HIP1: variants seen among roughly 807,000 people sequenced by gnomAD.
HIP1 encodes the protein huntingtin interacting protein 1.
Under a neutral mutation model 147.6 loss-of-function variants are expected in HIP1, and 65 were observed. The ratio of observed to expected loss-of-function variants is 0.44; its 90% CI spans 0.36 to 0.54. HIP1 has a LOEUF of 0.54. Among genes scored for constraint, HIP1 ranks in the 20% least tolerant of loss-of-function variants. HIP1 has a pLI of 0.00. For synonymous variants in HIP1, 479 were observed against 504.0 expected, an observed-to-expected ratio of 0.95 and a Z score of 0.67; for missense variants, 1,061 against 1,299.6, an observed-to-expected ratio of 0.82 and a Z score of 2.82.
At chr7:75,692,603 T>C (rs1413257879) in intron 1 of HIP1, among the ~76,000 whole-genome samples, 1 of 142,824 alleles carries the variant, frequency 7.0e-6, no homozygotes, top group Non-Finnish European at 1.5e-5. Flanking sequence ...TTTTTTTTTG[T>C]ATTTTTAGTA....
chr7:75,657,579 C>A (rs1159375041), intron 1 of HIP1, among the ~76,000 whole-genome samples: 1 of 151,310 alleles, frequency 6.6e-6, no homozygotes, highest in Non-Finnish European at 1.5e-5. Flanking sequence ...ATATCATGTC[C>A]TTTGCAGCCA....
rs587651922 is a variant in HIP1, at chr7:75,585,048, C to T, written c.465+1705G>A. On this transcript the variant is annotated intron_variant, in intron 5 of 30. Coordinates refer to ENST00000336926, the MANE Select transcript of HIP1 (RefSeq NM_005338.7). ...GTTTTTAGTAGAGATGGGGGTTTCA[C>T]TATGTTGGTCAGGCTGGTCTCCAAC... Among the ~76,000 whole-genome samples, 4 of 152,006 alleles carry T rather than the reference C, an allele frequency of 2.6e-5. No individual in the cohort carries two copies. In the East Asian group the frequency reaches 5.8e-4, roughly 22 times the overall value.
At chr7:75,694,690 T>TA (rs1177475517) in intron 1 of HIP1, among the ~76,000 whole-genome samples, 8 of 149,890 alleles carry the variant, frequency 5.3e-5, no homozygotes, top group African/African-American at 1.2e-4. Context: ...TTTTTTTTTT[T>TA]AAAGAAATGG....
chr7:75,579,346 TGCTCACTGCATCTCG>T (rs1795956355), intron 7 of HIP1, among the ~76,000 whole-genome samples: 2 of 151,992 alleles, frequency 1.3e-5, no homozygotes, highest in African/African-American at 4.8e-5. Context: ...GACAGAATCT[TGCTCACTGCATCTCG>T]GCTCACTGCA....
intron 1 of HIP1, among the ~76,000 whole-genome samples, chr7:75,659,737 C>T (rs1410877918): frequency 2.0e-5 from 3 of 152,154 alleles, no homozygotes; most frequent in Non-Finnish European, 2.9e-5. Context: ...GCCTCAAAAA[C>T]TCACGGTCTT....
intron 1 of HIP1, among the ~76,000 whole-genome samples, chr7:75,642,365 G>A (rs1352797765): frequency 1.3e-4 from 20 of 152,088 alleles, no homozygotes; most frequent in South Asian, 2.1e-4. Flanking sequence ...TGGTGAAACC[G>A]TCTCTACTAA....
Position 75,622,699 on chromosome 7 carries a change from C to T in HIP1, c.121-23452G>A, listed in dbSNP as rs587705483. ...GCCATATGAAGAAATGCATTTTGACCGGGCATGGTGGCTGGTGCCTGTAAT... is the reference window on the plus strand; with the variant it reads ...GCCATATGAAGAAATGCATTTTGACTGGGCATGGTGGCTGGTGCCTGTAAT... On this transcript the variant is annotated intron_variant, in intron 1 of 30. Transcript: ENST00000336926. 3.3e-5 allele frequency among the ~76,000 whole-genome samples: 5 copies of T among 151,950 alleles called. No individual in the cohort carries two copies. The East Asian group carries it at 5.8e-4, about 18-fold the overall frequency.
At position 75,535,296 on chromosome 7, in the gene HIP1, G is replaced by T. The variant is rs1162005197; in HGVS notation, c.*2876C>A. The T allele has an allele frequency of 3.0e-5, 6 of 199,582 alleles. No homozygotes were observed. The highest frequency in any genetic ancestry group is 1.4e-4 in the African/African-American group (6 of 43,448). 12.4% of individuals were successfully genotyped at this position (199,582 alleles called of 1,614,324 possible). ...GGAGTCTCGCTCTGTCACTCAGGCT[G>T]GAGTGCAGTGGGAAATCATGGCTCA... is the stretch of plus-strand genomic sequence containing the variant. On this transcript the variant is annotated 3_prime_UTR_variant, in exon 31 of 31. Transcript: ENST00000336926.
intron 1 of HIP1, among the ~76,000 whole-genome samples, chr7:75,671,658 G>A (rs1026853771): frequency 1.3e-5 from 2 of 151,956 alleles, no homozygotes. Flanking sequence ...TCACAGCATC[G>A]TACCATTTTA....
chr7:75,611,160 A>T (rs1027774688), intron 1 of HIP1, among the ~76,000 whole-genome samples: 9 of 151,286 alleles, frequency 5.9e-5, no homozygotes, highest in African/African-American at 1.7e-4. Context: ...GTTCTATAAA[A>T]TTTTTTTAGA....
intron 1 of HIP1, among the ~76,000 whole-genome samples, chr7:75,702,914 C>T (rs558386349): frequency 6.6e-6 from 1 of 152,148 alleles, no homozygotes; most frequent in East Asian, 1.9e-4. Flanking sequence ...AGGTATCTGC[C>T]CCCAAGATGC....
chr7:75,570,330 C>T (rs1332986135), intron 8 of HIP1, among the ~76,000 whole-genome samples: 8 of 147,196 alleles, frequency 5.4e-5, no homozygotes, highest in South Asian at 2.2e-4. Flanking sequence ...CTCGCTCTGT[C>T]ACCCAGGCTG....
chr7:75,616,584 G>GGGAGGAGGAGGA (rs782489721), intron 1 of HIP1, among the ~76,000 whole-genome samples: 3,491 of 145,902 alleles, frequency 0.024, 64 homozygotes, highest in East Asian at 0.13. Flanking sequence ...TTTAAGGGTG[G>GGGAGGAGGAGGA]GGAGGAGGAG....
At chr7:75,548,006 C>T (rs1413887368) in intron 23 of HIP1, among the ~76,000 whole-genome samples, 193 bp from the exon 24 acceptor site, 1 of 152,034 alleles carries the variant, frequency 6.6e-6, no homozygotes, top group African/African-American at 2.4e-5. Context: ...AGTGCAGCTG[C>T]AGTGGGCTGG....
chr7:75,624,238 G>C (rs781798105), intron 1 of HIP1, among the ~76,000 whole-genome samples: 10 of 152,174 alleles, frequency 6.6e-5, no homozygotes, highest in African/African-American at 2.4e-4. Context: ...CTGGACCCAG[G>C]GAGTGAGAAC....
intron 1 of HIP1, among the ~76,000 whole-genome samples, chr7:75,716,025 C>A (rs1351193211): frequency 1.3e-5 from 2 of 151,940 alleles, no homozygotes; most frequent in African/African-American, 4.8e-5. Context: ...CTCATGACTG[C>A]GGGGAGGGCA....
intron 1 of HIP1, among the ~76,000 whole-genome samples, chr7:75,685,367 C>T (rs1454173368): frequency 6.6e-6 from 1 of 152,182 alleles, no homozygotes; most frequent in Non-Finnish European, 1.5e-5. Flanking sequence ...TACTCACCAA[C>T]ACTTGTTTTG....
At position 75,633,581 on chromosome 7, in the gene HIP1, C is replaced by T. The variant is rs782582987; in HGVS notation, c.121-34334G>A. On this transcript the variant is annotated intron_variant, in intron 1 of 30. Transcript: ENST00000336926. ...TGCTGGGATTACAAGCGTGAGCCAC[C>T]GCGCACCTGGCCTATTTCACTCTTT... is the stretch of plus-strand genomic sequence containing the variant. Among the ~76,000 whole-genome samples, 13 of 152,210 alleles carry T rather than the reference C, an allele frequency of 8.5e-5. 1 individual carries two copies. Among genetic ancestry groups the T allele is most frequent in the African/African-American group, 2.9e-4 (12 of 41,548 alleles).
At chr7:75,552,534 T>G (rs1427006083) in intron 22 of HIP1, among the ~76,000 whole-genome samples, 3 of 151,762 alleles carry the variant, frequency 2.0e-5, no homozygotes, top group Non-Finnish European at 4.4e-5. Flanking sequence ...AAAAATTTTA[T>G]TTTGTAGAGA....
Sources: allele counts gnomAD v4.1 joint callset (sites outside exome capture counted in the v4.1 genomes callset), GRCh38; gene constraint gnomAD v4.1.1; transcripts MANE v1.5; gene names NCBI Gene and HGNC (gene_info 2026-07-23, HGNC 2026-07-21).